Variants in AFAP1L1 observed in about 807,000 individuals in gnomAD.
The protein encoded by AFAP1L1 is actin filament-associated protein 1-like 1.
In AFAP1L1, 77 loss-of-function variants were observed where a neutral mutation model predicts 99.8. The observed-to-expected ratio is 0.77, with a 90% CI of 0.64 to 0.93. The LOEUF (loss-of-function observed/expected upper bound fraction) is 0.93. Ranked by LOEUF, AFAP1L1 falls within the 40% of genes least tolerant of loss-of-function variation. The pLI is 0.00. For synonymous variants in AFAP1L1, 373 were observed against 395.3 expected, an observed-to-expected ratio of 0.94 and a Z score of 0.67; for missense variants, 893 against 996.8, an observed-to-expected ratio of 0.90 and a Z score of 1.40.
intron 3 of AFAP1L1, 97 bp from the exon 4 acceptor site, chr5:149,301,036 T>TCACAC (rs1231313196): frequency 2.0e-6 from 2 of 1,001,112 alleles, no homozygotes; most frequent in African/African-American, 3.2e-5. Context: ...GAGCCCGACC[T>TCACAC]CACACTCAGG....
intron 18 of AFAP1L1, among the ~76,000 whole-genome samples, chr5:149,335,988 T>A (rs1196506516): frequency 6.6e-6 from 1 of 152,236 alleles, no homozygotes; most frequent in Admixed American, 6.5e-5. Flanking sequence ...ACAGGTTCCA[T>A]TTCATTGATG....
Position 149,271,869 on chromosome 5 carries a change from G to A in AFAP1L1, c.-100G>A. On this transcript the variant is annotated 5_prime_UTR_variant, in exon 1 of 19. Transcript: ENST00000296721. ...GGGGGAGGGGACCGCAGAGAGCGCC[G>A]GCCGCTGGGCTGGCCTGAGAGCGCA... is the stretch of plus-strand genomic sequence containing the variant. The A allele has an allele frequency of 2.1e-6, 2 of 955,324 alleles. No homozygotes were observed. The highest frequency in any genetic ancestry group is 2.7e-6 in the Non-Finnish European group (2 of 753,250). The allele number at this position is 955,324 out of a possible 1,614,324, so 59.2% of individuals were successfully genotyped here. A position where few individuals can be genotyped will look rare whatever the true frequency, so the allele number is the denominator to read the frequency against.
At chr5:149,294,456 A>T (rs1245737333) in intron 1 of AFAP1L1, among the ~76,000 whole-genome samples, 2 of 152,224 alleles carry the variant, frequency 1.3e-5, no homozygotes, top group African/African-American at 4.8e-5. Context: ...ATTCACTGTG[A>T]TTGAAAGCTA....
At chr5:149,299,930 A>G (rs1182875913) in intron 2 of AFAP1L1, among the ~76,000 whole-genome samples, 1 of 151,566 alleles carries the variant, frequency 6.6e-6, no homozygotes, top group Non-Finnish European at 1.5e-5. Flanking sequence ...CACATAGAAC[A>G]CACACACCCA....
At chr5:149,317,371 C>T (rs946273244) in intron 11 of AFAP1L1, among the ~76,000 whole-genome samples, 1 of 152,138 alleles carries the variant, frequency 6.6e-6, no homozygotes, top group African/African-American at 2.4e-5. Flanking sequence ...CACATGCTGC[C>T]ACTGGGTGTC....
At chr5:149,338,886 A>T (rs945918428) in intron 18 of AFAP1L1, among the ~76,000 whole-genome samples, 3 of 152,186 alleles carry the variant, frequency 2.0e-5, no homozygotes, top group African/African-American at 7.2e-5. Flanking sequence ...CAAGTCCCTG[A>T]AGTGGGAAAA....
chr5:149,310,169 C>T, intron 8 of AFAP1L1, 34 bp downstream of exon 8: 1 of 1,541,394 alleles, frequency 6.5e-7, no homozygotes. Context: ...CCCGCCTTCT[C>T]ACCCTTTCTC....
At chr5:149,305,472 A>G (rs1160083737) in intron 5 of AFAP1L1, among the ~76,000 whole-genome samples, 1 of 152,176 alleles carries the variant, frequency 6.6e-6, no homozygotes, top group Non-Finnish European at 1.5e-5. Context: ...TTCCTATTAA[A>G]TAGTCATTTT....
chr5:149,321,729 A>T, intron 14 of AFAP1L1, among the ~76,000 whole-genome samples: 1 of 150,756 alleles, frequency 6.6e-6, no homozygotes, highest in South Asian at 2.1e-4. Context: ...TCTCAAAAAA[A>T]AAAAAAAAAA....
chr5:149,323,043 A>C (rs1757001061), intron 15 of AFAP1L1, among the ~76,000 whole-genome samples: 1 of 152,176 alleles, frequency 6.6e-6, no homozygotes, highest in Admixed American at 6.5e-5. Context: ...CAGGCCCCTA[A>C]CACCAGATTT....
chr5:149,295,799 T>G (rs936598202), intron 1 of AFAP1L1, among the ~76,000 whole-genome samples: 7 of 151,912 alleles, frequency 4.6e-5, no homozygotes, highest in African/African-American at 1.7e-4. Flanking sequence ...TTTCAGGGGG[T>G]TTGTAAGGTC....
intron 15 of AFAP1L1, among the ~76,000 whole-genome samples, chr5:149,329,098 AACTG>A (rs1364963203): frequency 6.6e-6 from 1 of 152,138 alleles, no homozygotes; most frequent in Non-Finnish European, 1.5e-5. Context: ...GATATCTGAA[AACTG>A]ACTATAAAAT....
At chr5:149,333,018 A>C (rs971285825) in intron 17 of AFAP1L1, 145 bp downstream of exon 17, 2 of 1,162,304 alleles carry the variant, frequency 1.7e-6, no homozygotes, top group Non-Finnish European at 1.2e-6. Flanking sequence ...GGTGAAGGGC[A>C]TGCCATGGGT....
intron 1 of AFAP1L1, among the ~76,000 whole-genome samples, chr5:149,278,942 A>G (rs745644792): frequency 6.6e-6 from 1 of 152,206 alleles, no homozygotes; most frequent in Non-Finnish European, 1.5e-5. Flanking sequence ...GTCCATCACC[A>G]GCCACGATTT....
At chr5:149,286,027 C>T (rs1561661274) in intron 1 of AFAP1L1, among the ~76,000 whole-genome samples, 1 of 152,198 alleles carries the variant, frequency 6.6e-6, no homozygotes, top group African/African-American at 2.4e-5. Context: ...AAGTCATCTA[C>T]TCTGGCGCAT....
chr5:149,278,822 T>C (rs1755423125), intron 1 of AFAP1L1, among the ~76,000 whole-genome samples: 1 of 152,210 alleles, frequency 6.6e-6, no homozygotes, highest in Non-Finnish European at 1.5e-5. Context: ...TCTTGCTCTG[T>C]CTTTTGTGGT....
At chr5:149,312,317 A>G in intron 9 of AFAP1L1, 113 bp downstream of exon 9, 1 of 993,580 alleles carries the variant, frequency 1.0e-6, no homozygotes, top group Non-Finnish European at 1.6e-6. Flanking sequence ...GCCAAACTGT[A>G]GGTGCCCAGC....
intron 1 of AFAP1L1, among the ~76,000 whole-genome samples, chr5:149,294,014 C>A (rs1213452347): frequency 6.6e-6 from 1 of 152,208 alleles, no homozygotes; most frequent in Non-Finnish European, 1.5e-5. Context: ...TCAGGGGCTC[C>A]TATTCCCACC....
intron 11 of AFAP1L1, among the ~76,000 whole-genome samples, 155 bp from the exon 12 acceptor site, chr5:149,317,574 G>T (rs1005346438): frequency 2.0e-5 from 3 of 152,208 alleles, no homozygotes; most frequent in Non-Finnish European, 4.4e-5. Flanking sequence ...AACAAACTCA[G>T]AGAAATGCAC....
Sources: gnomAD v4.1 joint callset for allele counts (sites outside exome capture counted in the v4.1 genomes callset) on GRCh38, gnomAD v4.1.1 for gene constraint, MANE v1.5 for transcripts, NCBI Gene and HGNC (gene_info 2026-07-23, HGNC 2026-07-21) for gene names.